Variants in DISP1 observed in about 807,000 individuals in gnomAD.
DISP1 encodes the protein protein dispatched homolog 1.
DISP1 carries 30 observed loss-of-function variants against 37.3 expected under a neutral mutation model. The observed-to-expected ratio is 0.80, with a 90% CI of 0.60 to 1.09. The LOEUF (loss-of-function observed/expected upper bound fraction) is 1.09, where lower values mean the gene tolerates loss of function less well. DISP1 is among the 50% of genes least tolerant of loss of function. The pLI is 0.00. For synonymous variants in DISP1, 634 were observed against 690.2 expected (o/e 0.92, Z 1.28); for missense variants, 1,598 against 1,879.5 (o/e 0.85, Z 2.77).
chr1:222,834,702 C>T (rs563410696), intron 1 of DISP1, among the ~76,000 whole-genome samples: 1 of 152,186 alleles, frequency 6.6e-6, no homozygotes, highest in East Asian at 1.9e-4. Flanking sequence ...CAGATAGTAT[C>T]CCTATAATTC....
intron 1 of DISP1, among the ~76,000 whole-genome samples, chr1:222,899,208 C>T (rs1671446136): frequency 6.6e-6 from 1 of 152,098 alleles, no homozygotes; most frequent in Non-Finnish European, 1.5e-5. Flanking sequence ...ATTGTGCTAC[C>T]TCCCCCAAAT....
At chr1:222,999,654 C>T (rs1183215530) in intron 8 of DISP1, among the ~76,000 whole-genome samples, 2 of 152,212 alleles carry the variant, frequency 1.3e-5, no homozygotes, top group Non-Finnish European at 2.9e-5. Context: ...GACAACTGTG[C>T]CTTATTCATC....
At chr1:222,843,884 G>A (rs61839607) in intron 1 of DISP1, among the ~76,000 whole-genome samples, 14,360 of 152,088 alleles carry the variant, frequency 0.094, 767 homozygotes, top group African/African-American at 0.12. Flanking sequence ...AGAAAAAGTA[G>A]ATAAATCATG....
At chr1:222,999,384 C>G (rs1679287593) in intron 8 of DISP1, among the ~76,000 whole-genome samples, 1 of 152,110 alleles carries the variant, frequency 6.6e-6, no homozygotes, top group Non-Finnish European at 1.5e-5. Flanking sequence ...ATGGCAAAAA[C>G]ATATCTGTGT....
chr1:222,995,090 C>A, intron 8 of DISP1, 108 bp downstream of exon 8: 1 of 889,088 alleles, frequency 1.1e-6, no homozygotes, highest in Non-Finnish European at 1.9e-6. Flanking sequence ...ACTTCAGAGG[C>A]TTACCTACTG....
chr1:222,956,707 G>A (rs887974060), intron 3 of DISP1, among the ~76,000 whole-genome samples: 2 of 151,940 alleles, frequency 1.3e-5, no homozygotes, highest in Admixed American at 1.3e-4. Context: ...TCAGTGTTTG[G>A]TGAGTGTTTT....
intron 1 of DISP1, among the ~76,000 whole-genome samples, chr1:222,922,588 G>A (rs1327891792): frequency 6.6e-6 from 1 of 152,080 alleles, no homozygotes. Flanking sequence ...GAAAGGGTGC[G>A]CAGAAGTAGG....
At chr1:222,915,076 G>A (rs1031801594) in intron 1 of DISP1, among the ~76,000 whole-genome samples, 10 of 152,170 alleles carry the variant, frequency 6.6e-5, no homozygotes, top group Non-Finnish European at 5.9e-5. Context: ...TTCAGCTGTG[G>A]TTGTCCTGGA....
rs903615335 is a variant in DISP1 at position 223,004,942 on chromosome 1, G to T, written c.3545G>T (p.Gly1182Val). The change falls in exon 9 of 9, where the codon GGC (glycine) becomes GTC (valine). Residue 1182 changes from glycine to valine, a missense_variant. Transcript: ENST00000675850. This position sits in a 1 kb window ranked among gnomAD's most constrained non-coding sequence, Gnocchi z 4.9. Reference sequence around the variant, plus strand: ...AATGCTTATCATTTAGATCCCAGGGGCCCAAAATCTGAACTGGAGCATGAG... The same window carrying T: ...AATGCTTATCATTTAGATCCCAGGGTCCCAAAATCTGAACTGGAGCATGAG... The part of the protein sequence containing the change: ...TINAYHLDPR[G>V]PKSELEHEFY... The T allele has an allele frequency of 1.2e-6, 2 of 1,612,914 alleles. No individual in the cohort carries two copies. The highest frequency in any genetic ancestry group is 1.7e-6 in the Non-Finnish European group (2 of 1,180,004).
intron 3 of DISP1, among the ~76,000 whole-genome samples, chr1:222,956,382 T>C (rs1191997123): frequency 6.6e-6 from 1 of 152,206 alleles, no homozygotes; most frequent in African/African-American, 2.4e-5. Context: ...CTTTAGAAGT[T>C]TAGCAAGAAA....
At chr1:222,859,907 A>G (rs61840263) in intron 1 of DISP1, among the ~76,000 whole-genome samples, 17,111 of 152,268 alleles carry the variant, frequency 0.11, 1,345 homozygotes, top group Non-Finnish European at 0.16. Flanking sequence ...GTCTGTGCAC[A>G]TACTAGGTCT....
chr1:222,987,085 T>C (rs1031822841), intron 4 of DISP1, among the ~76,000 whole-genome samples: 18 of 151,798 alleles, frequency 1.2e-4, no homozygotes, highest in Non-Finnish European at 2.1e-4. Flanking sequence ...AATATATATA[T>C]ATATTTGTGA....
At position 223,005,063 on chromosome 1, in the gene DISP1, C is replaced by T. The variant is rs1679788759; in HGVS notation, c.3666C>T (p.Ser1222=). Residue 1222 remains serine, a synonymous_variant, in exon 9 of 9, where the codon AGC becomes AGT. Coordinates refer to ENST00000675850, the MANE Select transcript of DISP1 (RefSeq NM_001377229.1). ...ACATCTGCTCTGAATTTTTCAACAG[C>T]CAAGCAAAGAATTTAGGGATGCCTG... ...ETHICSEFFN[S]QAKNLGMPVH... 1 of 1,614,090 alleles carries T rather than the reference C, an allele frequency of 6.2e-7. No individual in the cohort carries two copies. The highest frequency in any genetic ancestry group is 1.7e-5 in the Admixed American group (1 of 60,008).
chr1:222,956,949 T>G (rs1675645299), intron 3 of DISP1, among the ~76,000 whole-genome samples: 1 of 152,102 alleles, frequency 6.6e-6, no homozygotes, highest in African/African-American at 2.4e-5. Flanking sequence ...TACTTTATAA[T>G]TTAGTGTAAC....
Position 223,005,248 on chromosome 1 carries a change from C to T in DISP1, c.3851C>T (p.Pro1284Leu). 1 of 1,614,040 alleles carries T rather than the reference C, an allele frequency of 6.2e-7. No individual in the cohort carries two copies. Among genetic ancestry groups the T allele is most frequent in the Non-Finnish European group, 8.5e-7 (1 of 1,180,030 alleles). ...PDAYKHLNYGPHSCQQMGDCL... is the reference protein window; with the variant it reads ...PDAYKHLNYGLHSCQQMGDCL... Reference sequence around the variant, plus strand: ...GCCTACAAACACTTGAACTATGGCCCACACTCTTGCCAGCAGATGGGGGAC... The same window carrying T: ...GCCTACAAACACTTGAACTATGGCCTACACTCTTGCCAGCAGATGGGGGAC... Residue 1284 changes from proline to leucine, a missense_variant, in exon 9 of 9, where the codon CCA becomes CTA. Transcript: ENST00000675850.
chr1:222,999,376 G>A (rs1679286938), intron 8 of DISP1, among the ~76,000 whole-genome samples: 3 of 152,026 alleles, frequency 2.0e-5, no homozygotes, highest in Admixed American at 6.6e-5. Flanking sequence ...CCAAAAATAT[G>A]GCAAAAACAT....
At chr1:222,936,397 A>G (rs2125468457) in intron 2 of DISP1, among the ~76,000 whole-genome samples, 1 of 151,548 alleles carries the variant, frequency 6.6e-6, no homozygotes, top group East Asian at 1.9e-4. Flanking sequence ...CTGAAGCATT[A>G]TTTTTCCATT....
rs1679680425 is a variant in DISP1 at position 223,003,960 on chromosome 1, A to T, written c.2563A>T (p.Thr855Ser). Residue 855 changes from threonine (T) to serine (S), a missense_variant, in exon 9 of 9, where the codon ACA becomes TCA. Thr to Ser is a moderately conservative substitution (Grantham distance 58, BLOSUM62 1). Transcript: ENST00000675850. The surrounding 1 kb of genome is among the most constrained non-coding windows in gnomAD (Gnocchi z 4.3). The stretch of plus-strand genomic sequence containing the variant: ...GGACTTCACCAGCTGCTTCATTGAG[A>T]CATTCAAACAGTGGATGGAAAACCA... ...EQDFTSCFIE[T>S]FKQWMENQDC... is the part of the protein sequence containing the mutation. 6.2e-7 allele frequency: 1 copy of T among 1,614,052 alleles called. No individual in the cohort carries two copies. The highest frequency in any genetic ancestry group is 8.5e-7 in the Non-Finnish European group (1 of 1,180,042).
rs561632585 is a variant in DISP1 at position 222,943,170 on chromosome 1, G to C, written c.347G>C (p.Cys116Ser). ...GCACCCTCTGCTTTGGCCTCGTGTT[G>C]CATGCAGCCACACTCCGAGTATTCT... is the stretch of plus-strand genomic sequence containing the variant. ...PAAPSALASCCMQPHSEYSAS... is the reference protein window; with the variant it reads ...PAAPSALASCSMQPHSEYSAS... The change falls in exon 3 of 9, where the codon TGC becomes TCC. Residue 116 changes from cysteine to serine, a missense_variant. Transcript: ENST00000675850. 6.2e-7 allele frequency: 1 copy of C among 1,611,442 alleles called. No homozygotes were observed. The highest frequency in any genetic ancestry group is 1.3e-5 in the African/African-American group (1 of 74,982).
Sources: gnomAD v4.1 joint callset for allele counts (sites outside exome capture counted in the v4.1 genomes callset) on GRCh38, gnomAD v4.1.1 for gene constraint, Gnocchi (gnomAD v3.1) non-coding constraint, MANE v1.5 for transcripts, NCBI Gene and HGNC (gene_info 2026-07-23, HGNC 2026-07-21) for gene names.